Variants in NAPB observed in about 807,000 individuals in gnomAD.
NAPB encodes NSF attachment protein beta, also known as beta-soluble NSF attachment protein.
A neutral mutation model predicts 44.7 loss-of-function variants in NAPB; 26 were observed. The observed-to-expected ratio is 0.58, with a 90% CI of 0.43 to 0.81. The LOEUF (loss-of-function observed/expected upper bound fraction) is 0.81. Among genes scored for constraint, NAPB ranks in the 30% least tolerant of loss-of-function variants. The pLI, the probability that NAPB is intolerant of heterozygous loss-of-function variation, is 0.00. For missense variants in NAPB, 315 were observed against 356.4 expected (o/e 0.88, Z 0.94); for synonymous variants, 120 against 116.8 (o/e 1.03, Z -0.18).
intron 9 of NAPB, 24 bp from the exon 10 acceptor site, chr20:23,379,519 A>G: frequency 6.3e-7 from 1 of 1,577,972 alleles, no homozygotes; most frequent in South Asian, 1.1e-5. Flanking sequence ...AATATTTTAA[A>G]AAACAGTTCT....
At chr20:23,386,195 A>G (rs553893970) in intron 7 of NAPB, among the ~76,000 whole-genome samples, 6 of 152,350 alleles carry the variant, frequency 3.9e-5, no homozygotes, top group Admixed American at 2.0e-4. Flanking sequence ...TGATAACACT[A>G]AAAATGCATA....
At chr20:23,416,981 A>G (rs557590432) in intron 1 of NAPB, among the ~76,000 whole-genome samples, 1 of 152,206 alleles carries the variant, frequency 6.6e-6, no homozygotes, top group African/African-American at 2.4e-5. Flanking sequence ...TTAAATTTAC[A>G]TTGACATTGC....
intron 5 of NAPB, among the ~76,000 whole-genome samples, chr20:23,394,436 T>A (rs1471544198): frequency 6.6e-6 from 1 of 152,006 alleles, no homozygotes; most frequent in Non-Finnish European, 1.5e-5. Context: ...CCCAGACATG[T>A]TGGGTTAGAG....
intron 5 of NAPB, among the ~76,000 whole-genome samples, chr20:23,391,618 T>C (rs1342838620): frequency 6.6e-6 from 1 of 152,338 alleles, no homozygotes; most frequent in Admixed American, 6.5e-5. Flanking sequence ...GTTTTGTGCA[T>C]CTTTGTTGCA....
rs777512561 is a variant in NAPB at position 23,403,085 on chromosome 20, TA to T, written c.99-14del. On this transcript the variant is annotated splice_polypyrimidine_tract_variant and intron_variant, in intron 1 of 10. Transcript: ENST00000377026. ...TCTTGTGTTTCCTCTGAGAAAAAGT[TA>T]AAAATTAGATTTTTAACAACCATCC... The T allele has an allele frequency of 8.2e-5, 131 of 1,603,076 alleles. No individual in the cohort carries two copies. Among genetic ancestry groups the T allele is most frequent in the Non-Finnish European group, 1.1e-4 (125 of 1,172,250 alleles).
At chr20:23,400,565 A>T (rs1984760143) in intron 2 of NAPB, among the ~76,000 whole-genome samples, 1 of 152,196 alleles carries the variant, frequency 6.6e-6, no homozygotes, top group Non-Finnish European at 1.5e-5. Context: ...CATATATTAA[A>T]TTAAATGGTC....
intron 1 of NAPB, among the ~76,000 whole-genome samples, chr20:23,416,119 C>A (rs1038899342): frequency 1.3e-5 from 2 of 152,124 alleles, no homozygotes; most frequent in African/African-American, 4.8e-5. Context: ...CAATATTTAC[C>A]ACGTGCCTAA....
intron 1 of NAPB, 110 bp from the exon 2 acceptor site, chr20:23,403,182 A>G (rs1984976461): frequency 1.3e-6 from 1 of 764,266 alleles, no homozygotes; most frequent in African/African-American, 1.8e-5. Context: ...GACAAGCATT[A>G]CAGAATCTTA....
At position 23,381,332 on chromosome 20, in the gene NAPB, CAG is replaced by C. The variant is rs1485854846; in HGVS notation, c.562-17_562-16del. On this transcript the variant is annotated splice_polypyrimidine_tract_variant and intron_variant, in intron 7 of 10. Transcript: ENST00000377026. ...TTTGCCCCAACCTAGGCACAGAACGCAGAGTTAAATTTAAAAGATTTACCCTC... is the reference window on the plus strand; with the variant it reads ...TTTGCCCCAACCTAGGCACAGAACGCAGTTAAATTTAAAAGATTTACCCTC... 3 of 1,509,180 alleles carry C rather than the reference CAG, an allele frequency of 2.0e-6. No homozygotes were observed. In the African/African-American group the frequency reaches 4.2e-5, roughly 21 times the overall value. The allele number at this position is 1,509,180 out of a possible 1,614,324, so 93.5% of individuals were successfully genotyped here. A position where few individuals can be genotyped will look rare whatever the true frequency, so the allele number is the denominator to read the frequency against.
At chr20:23,379,390 G>A (rs1982819496) in intron 10 of NAPB, 55 bp downstream of exon 10, 2 of 1,353,944 alleles carry the variant, frequency 1.5e-6, no homozygotes, top group Non-Finnish European at 2.1e-6. Context: ...AGGAAAAGAA[G>A]TTTCTTTAAC....
intron 7 of NAPB, among the ~76,000 whole-genome samples, chr20:23,382,243 G>A (rs1983069131): frequency 6.6e-6 from 1 of 152,200 alleles, no homozygotes; most frequent in Non-Finnish European, 1.5e-5. Context: ...CAGAGACCTG[G>A]TGGAAAGCTG....
In NAPB at chr20:23,421,451, C is replaced by CCA; in HGVS notation, c.-51_-50dup. 6.6e-7 allele frequency: 1 copy of CCA among 1,513,292 alleles called. No homozygotes were observed. The highest frequency in any genetic ancestry group is 2.6e-5 in the East Asian group (1 of 38,872). The allele number at this position is 1,513,292 out of a possible 1,614,324, so 93.7% of individuals were successfully genotyped here. On this transcript the variant is annotated 5_prime_UTR_variant, in exon 1 of 11. Transcript: ENST00000377026. ...CCCCCTCAGCCGGCTCGCTGTGCGC[C>CCA]CAGGCGCCTTAACCCTCCCTCTGGC...
intron 7 of NAPB, among the ~76,000 whole-genome samples, chr20:23,388,422 G>A (rs948156383): frequency 2.0e-5 from 3 of 152,040 alleles, no homozygotes; most frequent in Admixed American, 1.3e-4. Context: ...CCTAATATTC[G>A]GATGAAAATG....
rs1296968203 is a variant in NAPB, at chr20:23,376,132, T to A, written c.*1244A>T. ...CTGCTGGGTTAAGTCTGGCAACACA[T>A]TTCAAATATAAATCATTTAACTATA... On this transcript the variant is annotated 3_prime_UTR_variant, in exon 11 of 11. Coordinates refer to ENST00000377026, the MANE Select transcript of NAPB (RefSeq NM_022080.3). 1.4e-5 allele frequency: 2 copies of A among 140,576 alleles called. No individual in the cohort carries two copies. Among genetic ancestry groups the A allele is most frequent in the African/African-American group, 5.7e-5 (2 of 35,092 alleles). 8.7% of individuals were successfully genotyped at this position (140,576 alleles called of 1,614,324 possible).
chr20:23,405,041 G>A (rs1174060277), intron 1 of NAPB, among the ~76,000 whole-genome samples: 2 of 152,140 alleles, frequency 1.3e-5, no homozygotes, highest in Admixed American at 6.5e-5. Flanking sequence ...GGAGGCTCAC[G>A]CCTGTAATCC....
chr20:23,411,086 A>T (rs996335221), intron 1 of NAPB, among the ~76,000 whole-genome samples: 2 of 152,322 alleles, frequency 1.3e-5, no homozygotes, highest in Non-Finnish European at 1.5e-5. Context: ...GTAATACAGG[A>T]TGGGCAAAGA....
At chr20:23,414,107 A>G (rs1371305513) in intron 1 of NAPB, among the ~76,000 whole-genome samples, 1 of 152,158 alleles carries the variant, frequency 6.6e-6, no homozygotes. Flanking sequence ...AGATCATTTG[A>G]GCCCAGGAGT....
chr20:23,390,307 A>T, intron 5 of NAPB, 43 bp from the exon 6 acceptor site: 1 of 1,528,182 alleles, frequency 6.5e-7, no homozygotes, highest in East Asian at 2.2e-5. Context: ...TTATTTGGAG[A>T]GCTGCATTTT....
chr20:23,416,787 A>G (rs1299577601), intron 1 of NAPB, among the ~76,000 whole-genome samples: 1 of 152,188 alleles, frequency 6.6e-6, no homozygotes, highest in Non-Finnish European at 1.5e-5. Context: ...TGCTTCACCT[A>G]TGTTATCACA....
Sources: allele counts gnomAD v4.1 joint callset (sites outside exome capture counted in the v4.1 genomes callset), GRCh38; gene constraint gnomAD v4.1.1; transcripts MANE v1.5; gene names NCBI Gene and HGNC (gene_info 2026-07-23, HGNC 2026-07-21).